Variants in LAMB4 observed in about 807,000 individuals in gnomAD.
LAMB4 encodes laminin subunit beta-4.
LAMB4 carries 196 observed loss-of-function variants against 199.2 expected under a neutral mutation model. The observed-to-expected ratio is 0.98, with a 90% CI of 0.88 to 1.11. LAMB4 has a LOEUF of 1.11. Among genes scored for constraint, LAMB4 ranks in the 50% least tolerant of loss-of-function variants. LAMB4 has a pLI of 0.00. For synonymous variants in LAMB4, 744 were observed against 770.6 expected (o/e 0.97, Z 0.57); for missense variants, 2,080 against 2,171.2 (o/e 0.96, Z 0.83).
At chr7:108,025,417 C>CTTCT (rs1288447788) in intron 33 of LAMB4, among the ~76,000 whole-genome samples, 2 of 107,868 alleles carry the variant, frequency 1.9e-5, no homozygotes, top group South Asian at 2.7e-4. Context: ...TTCTTTCTTT[C>CTTCT]TTCTTTCTTT....
At chr7:108,042,490 G>C (rs1050610277) in intron 29 of LAMB4, among the ~76,000 whole-genome samples, 3 of 151,758 alleles carry the variant, frequency 2.0e-5, no homozygotes, top group African/African-American at 7.3e-5. Context: ...TTTGATGTTT[G>C]TTTTGGTGCC....
At chr7:108,040,341 C>T (rs2035378682) in intron 29 of LAMB4, among the ~76,000 whole-genome samples, 1 of 152,158 alleles carries the variant, frequency 6.6e-6, no homozygotes, top group Non-Finnish European at 1.5e-5. Context: ...CTGCCCAAAA[C>T]AATGTGCAGA....
intron 17 of LAMB4, 35 bp downstream of exon 17, chr7:108,076,909 C>G: frequency 3.7e-6 from 6 of 1,607,774 alleles, no homozygotes; most frequent in Non-Finnish European, 5.1e-6. Context: ...TGCTTAGTAG[C>G]GAAGAAAGCA....
chr7:108,022,661 G>A (rs2034716773), downstream of LAMB4, among the ~76,000 whole-genome samples: 1 of 152,058 alleles, frequency 6.6e-6, no homozygotes, highest in South Asian at 2.1e-4. Context: ...AGCTTTCTGG[G>A]GTGGTCCTTC....
intron 17 of LAMB4, chr7:108,075,599 A>G (rs368136389): frequency 9.8e-5 from 15 of 152,322 alleles, no homozygotes; most frequent in African/African-American, 3.6e-4. Context: ...ATCCCACACA[A>G]TTCTATATAA....
At chr7:108,039,869 C>A (rs2035360334) in intron 29 of LAMB4, among the ~76,000 whole-genome samples, 1 of 152,198 alleles carries the variant, frequency 6.6e-6, no homozygotes, top group South Asian at 2.1e-4. Flanking sequence ...CAAGGATGCC[C>A]TCTCTTACCA....
intron 4 of LAMB4, among the ~76,000 whole-genome samples, chr7:108,110,864 C>T (rs2038198897): frequency 6.6e-6 from 1 of 152,198 alleles, no homozygotes; most frequent in Admixed American, 6.5e-5. Flanking sequence ...CACAGTCAAT[C>T]ATTGGTCAAG....
At position 108,062,894 on chromosome 7, in the gene LAMB4, C is replaced by T. The variant is rs576296424; in HGVS notation, c.3162G>A (p.Pro1054=). ...DPVTGACPCL[P]NVTGLACDRC... is the part of the protein sequence containing the mutation. ...GGTCACAGGCCAGGCCTGTGACATT[C>T]GGCAGACAAGGACATGCACCAGTGA... The change falls in exon 23 of 34, where the codon CCG becomes CCA. Residue 1054 remains proline (P), a synonymous_variant. Coordinates refer to ENST00000388781, the MANE Select transcript of LAMB4 (RefSeq NM_007356.3). The T allele has an allele frequency of 3.6e-5, 58 of 1,608,740 alleles. No homozygotes were observed. In the South Asian group the frequency reaches 4.8e-4, roughly 13 times the overall value.
At chr7:108,075,638 C>A (rs2036671880) in intron 17 of LAMB4, 1 of 152,138 alleles carries the variant, frequency 6.6e-6, no homozygotes, top group African/African-American at 2.4e-5. Flanking sequence ...GAAACTGGTA[C>A]CTTCATACTG....
intron 8 of LAMB4, among the ~76,000 whole-genome samples, chr7:108,105,419 A>G (rs2037967575): frequency 6.6e-6 from 1 of 152,226 alleles, no homozygotes. Context: ...ATGTGAAATT[A>G]TTAGGTTGGT....
chr7:108,079,487 A>C (rs2150578125), intron 15 of LAMB4, 114 bp downstream of exon 15: 1 of 922,290 alleles, frequency 1.1e-6, no homozygotes, highest in African/African-American at 1.7e-5. Context: ...CCAGATGTTC[A>C]CTTTTTACAA....
At chr7:108,031,548 C>T (rs2035041751) in intron 31 of LAMB4, among the ~76,000 whole-genome samples, 1 of 152,032 alleles carries the variant, frequency 6.6e-6, no homozygotes, top group South Asian at 2.1e-4. Flanking sequence ...TAACTTCTGT[C>T]ATTCCATGTA....
In LAMB4 at chr7:108,066,487, A is replaced by G. The variant is rs781284762; in HGVS notation, c.2560T>C (p.Tyr854His). ...GGGTGGCAGCTGGGAAATCCAAAGT[A>G]GCCTGCCAGGCAGCGATCACAGCGG... ...GRRCDRCLAGYFGFPSCHPCP... is the reference protein window; with the variant it reads ...GRRCDRCLAGHFGFPSCHPCP... Residue 854 changes from tyrosine to histidine, a missense_variant, in exon 20 of 34, where the codon TAC becomes CAC. Transcript: ENST00000388781. 6.2e-7 allele frequency: 1 copy of G among 1,614,190 alleles called. No individual in the cohort carries two copies.
chr7:108,037,712 A>G, intron 29 of LAMB4, 117 bp from the exon 30 acceptor site: 2 of 717,974 alleles, frequency 2.8e-6, no homozygotes, highest in Non-Finnish European at 4.8e-6. Context: ...ATGTGCCCCT[A>G]GAATACAGGG....
At chr7:108,061,599 C>T (rs1012418103) in intron 23 of LAMB4, among the ~76,000 whole-genome samples, 6 of 151,550 alleles carry the variant, frequency 4.0e-5, no homozygotes, top group Admixed American at 3.3e-4. Flanking sequence ...ATTAGCTGGG[C>T]GTGGTGGTGG....
At chr7:108,023,435 TGAG>T (rs967851668), downstream of LAMB4, 3 of 152,172 alleles carry the variant, frequency 2.0e-5, no homozygotes, top group African/African-American at 7.2e-5. Flanking sequence ...CACTGATAAA[TGAG>T]GAGAAGTAGT....
At chr7:108,065,639 G>A (rs2036309411) in intron 21 of LAMB4, 123 bp downstream of exon 21, 1 of 680,462 alleles carries the variant, frequency 1.5e-6, no homozygotes, top group East Asian at 2.9e-5. Flanking sequence ...ATCACATTGT[G>A]TCTTCTTACC....
chr7:108,108,829 G>T (rs2038116341), intron 5 of LAMB4, among the ~76,000 whole-genome samples: 3 of 151,716 alleles, frequency 2.0e-5, no homozygotes, highest in South Asian at 2.1e-4. Flanking sequence ...CTTTCCCCTT[G>T]ATTACAACCT....
At chr7:108,079,296 G>A (rs991391948) in intron 15 of LAMB4, among the ~76,000 whole-genome samples, 2 of 152,142 alleles carry the variant, frequency 1.3e-5, no homozygotes, top group African/African-American at 4.8e-5. Context: ...AAAGTACCAG[G>A]AGGGCATGAT....
Sources: allele counts gnomAD v4.1 joint callset (sites outside exome capture counted in the v4.1 genomes callset), GRCh38; gene constraint gnomAD v4.1.1; transcripts MANE v1.5; gene names NCBI Gene and HGNC (gene_info 2026-07-23, HGNC 2026-07-21).